The following PLEKHF1 variants were observed in gnomAD, a reference collection of about 807,000 sequenced individuals.
The protein encoded by PLEKHF1 is pleckstrin homology domain-containing family F member 1.
A neutral mutation model predicts 4.1 loss-of-function variants in PLEKHF1; 1 was observed. That is an observed-to-expected ratio of 0.24 (90% CI 0.09 to 1.15). The LOEUF (loss-of-function observed/expected upper bound fraction) is 1.15, where lower values mean the gene tolerates loss of function less well. Ranked by LOEUF, PLEKHF1 falls within the 50% of genes most tolerant of loss-of-function variation. The probability of loss-of-function intolerance (pLI) is 0.52; values close to 1 mark genes in which losing one functional copy is unlikely to be tolerated. For synonymous variants in PLEKHF1, 182 were observed against 178.5 expected, an observed-to-expected ratio of 1.02 and a Z score of -0.16; for missense variants, 429 against 400.6, an observed-to-expected ratio of 1.07 and a Z score of -0.60.
Position 29,675,003 on chromosome 19 carries a change from G to C in PLEKHF1, c.*324G>C. ...ACGACCCCAGGTCTCCAGACATCTAGGGACCAGAGCAGGTTTGGGAACACA... is the reference window on the plus strand; with the variant it reads ...ACGACCCCAGGTCTCCAGACATCTACGGACCAGAGCAGGTTTGGGAACACA... On this transcript the variant is annotated 3_prime_UTR_variant, in exon 2 of 2. Transcript: ENST00000436066. 1 of 328,204 alleles carries C rather than the reference G, an allele frequency of 3.0e-6. No individual in the cohort carries two copies. The highest frequency in any genetic ancestry group is 5.8e-6 in the Non-Finnish European group (1 of 171,844). The allele number at this position is 328,204 out of a possible 1,614,324, so 20.3% of individuals were successfully genotyped here. A position where few individuals can be genotyped will look rare whatever the true frequency, so the allele number is the denominator to read the frequency against.
At chr19:29,669,762 C>T (rs574446377) in intron 1 of PLEKHF1, among the ~76,000 whole-genome samples, 6 of 152,222 alleles carry the variant, frequency 3.9e-5, no homozygotes, top group South Asian at 4.2e-4. Context: ...ACCTTATAGA[C>T]GAAAGTGGAA....
Position 29,674,289 on chromosome 19 carries a change from C to A in PLEKHF1, c.450C>A (p.Ile150=). Residue 150 remains isoleucine, a synonymous_variant, in exon 2 of 2, where the codon ATC becomes ATA. Transcript: ENST00000436066. ...GCACGGAGCACGCGGCACCCTGGAT[C>A]CCCGACAAGGCCACGGACATCTGCA... The part of the protein sequence containing the change: ...PPSTEHAAPW[I]PDKATDICMR... The A allele has an allele frequency of 6.3e-7, 1 of 1,596,226 alleles. No homozygotes were observed. Among genetic ancestry groups the A allele is most frequent in the Non-Finnish European group, 8.5e-7 (1 of 1,176,590 alleles).
intron 1 of PLEKHF1, among the ~76,000 whole-genome samples, chr19:29,669,079 G>T (rs1331707855): frequency 6.6e-6 from 1 of 152,174 alleles, no homozygotes; most frequent in Non-Finnish European, 1.5e-5. Flanking sequence ...AGCCTAGAGG[G>T]GGTCTGTGAG....
chr19:29,673,660 A>G (rs575490882), intron 1 of PLEKHF1, among the ~76,000 whole-genome samples, 164 bp from the exon 2 acceptor site: 166 of 152,268 alleles, frequency 1.1e-3, no homozygotes, highest in Admixed American at 2.2e-3. Context: ...TCTAAGGGTC[A>G]GCTTCCGAGG....
At position 29,674,702 on chromosome 19, in the gene PLEKHF1, TC is replaced by T. The variant is rs1568312205; in HGVS notation, c.*27del. The T allele has an allele frequency of 6.4e-7, 1 of 1,573,004 alleles. No individual in the cohort carries two copies. The highest frequency in any genetic ancestry group is 1.7e-5 in the Admixed American group (1 of 57,436). On this transcript the variant is annotated 3_prime_UTR_variant, in exon 2 of 2. Transcript: ENST00000436066. The stretch of plus-strand genomic sequence containing the variant: ...TGACCCCCGGCCTGCAGAACATCTG[TC>T]CCCAAGCCAGCTCCACTGCCCAGGC...
rs1404527813 is a variant in PLEKHF1 at position 29,674,202 on chromosome 19, A to G, written c.363A>G (p.Glu121=). The G allele has an allele frequency of 1.2e-6, 2 of 1,612,896 alleles. No individual in the cohort carries two copies. Residue 121 remains glutamate, a synonymous_variant, in exon 2 of 2, where the codon GAA becomes GAG. Transcript: ENST00000436066. ...CCGCCTCCGCTACGGAGCGCCAGGA[A>G]TGGATTAGCCACATCGAGGAGTGCG... The part of the protein sequence containing the change: ...VSAASATERQ[E]WISHIEECVR...
intron 1 of PLEKHF1, among the ~76,000 whole-genome samples, chr19:29,672,032 A>G (rs1971636130): frequency 6.6e-6 from 1 of 152,108 alleles, no homozygotes; most frequent in Non-Finnish European, 1.5e-5. Flanking sequence ...GCATGGCTCC[A>G]AGAATTGTGG....
rs1971685990 is a variant in PLEKHF1, at chr19:29,674,771, C to T, written c.*92C>T. ...CAGAAGCTGCCCAGGGCTCCGGGAC[C>T]CCATCCCATGGTGGCAGGTGCAGCG... On this transcript the variant is annotated 3_prime_UTR_variant, in exon 2 of 2. Transcript: ENST00000436066. 1 of 1,471,578 alleles carries T rather than the reference C, an allele frequency of 6.8e-7. No individual in the cohort carries two copies. Among genetic ancestry groups the T allele is most frequent in the Middle Eastern group, 2.6e-4 (1 of 3,908 alleles). The allele number at this position is 1,471,578 out of a possible 1,614,324, so 91.2% of individuals were successfully genotyped here.
At chr19:29,668,841 G>A (rs1274462075) in intron 1 of PLEKHF1, among the ~76,000 whole-genome samples, 1 of 152,170 alleles carries the variant, frequency 6.6e-6, no homozygotes, top group Non-Finnish European at 1.5e-5. Context: ...GTCATGTAGA[G>A]AAGGTGAGCA....
Position 29,674,092 on chromosome 19 carries a change from G to A in PLEKHF1, c.253G>A (p.Val85Ile). The A allele has an allele frequency of 6.2e-7, 1 of 1,614,030 alleles. No individual in the cohort carries two copies. Among genetic ancestry groups the A allele is most frequent in the Non-Finnish European group, 8.5e-7 (1 of 1,180,002 alleles). The change falls in exon 2 of 2, where the codon GTC (valine) becomes ATC (isoleucine). Residue 85 changes from valine (V) to isoleucine (I), a missense_variant. Val to Ile is a conservative substitution (Grantham distance 29, BLOSUM62 3). Transcript: ENST00000436066. ...RSQHIIPLEE[V>I]TLELLPETLQ... ...CCAGCACATCATCCCCCTGGAGGAG[G>A]TCACACTGGAGCTGTTGCCGGAGAC...
chr19:29,673,702 G>T, intron 1 of PLEKHF1, 122 bp from the exon 2 acceptor site: 1 of 1,330,706 alleles, frequency 7.5e-7, no homozygotes. Flanking sequence ...AGGCCTGCGG[G>T]TTACTGTGCG....
chr19:29,669,691 A>G (rs1971608372), intron 1 of PLEKHF1, among the ~76,000 whole-genome samples: 1 of 152,208 alleles, frequency 6.6e-6, no homozygotes, highest in African/African-American at 2.4e-5. Context: ...AAATTGGCAG[A>G]TATTCGGATT....
Position 29,674,419 on chromosome 19 carries a change from C to G in PLEKHF1, c.580C>G (p.Pro194Ala), listed in dbSNP as rs1355943718. 5 of 1,529,838 alleles carry G rather than the reference C, an allele frequency of 3.3e-6. No homozygotes were observed. The South Asian group carries it at 6.0e-5, about 18-fold the overall frequency. 94.8% of individuals were successfully genotyped at this position (1,529,838 alleles called of 1,614,324 possible). A position where few individuals can be genotyped will look rare whatever the true frequency, so the allele number is the denominator to read the frequency against. The change falls in exon 2 of 2, where the codon CCG (proline) becomes GCG (alanine). Residue 194 changes from proline to alanine, a missense_variant. Pro to Ala is a conservative substitution (Grantham distance 27). Coordinates refer to ENST00000436066, the MANE Select transcript of PLEKHF1 (RefSeq NM_024310.5). ...GTGCTCGCGCCAGCGCTTCCTGCTC[C>G]CGCGCCTGTCCCCCAAGCCCGTGCG... ...AECSRQRFLL[P>A]RLSPKPVRVC... is the part of the protein sequence containing the mutation.
intron 1 of PLEKHF1, among the ~76,000 whole-genome samples, chr19:29,668,633 T>C (rs1971595752): frequency 6.6e-6 from 1 of 151,728 alleles, no homozygotes; most frequent in Non-Finnish European, 1.5e-5. Context: ...GGCGGGAGGC[T>C]TTCTTGAGCC....
At chr19:29,670,989 T>C (rs977110416) in intron 1 of PLEKHF1, among the ~76,000 whole-genome samples, 4 of 152,234 alleles carry the variant, frequency 2.6e-5, no homozygotes, top group African/African-American at 7.2e-5. Flanking sequence ...ACTTCCATGC[T>C]GTTTTCCTTA....
At chr19:29,665,635 C>T in intron 1 of PLEKHF1, 130 bp downstream of exon 1, 1 of 1,161,748 alleles carries the variant, frequency 8.6e-7, no homozygotes, top group Admixed American at 4.2e-5. Context: ...CCTGGGCCGG[C>T]GGGGCGCAGT....
chr19:29,673,581 C>G (rs566652595), intron 1 of PLEKHF1, among the ~76,000 whole-genome samples: 1 of 152,312 alleles, frequency 6.6e-6, no homozygotes, highest in East Asian at 1.9e-4. Context: ...CCTTCCCATC[C>G]CTGTCTGGCC....
intron 1 of PLEKHF1, among the ~76,000 whole-genome samples, chr19:29,672,921 C>T (rs1971646778): frequency 1.3e-5 from 2 of 151,986 alleles, no homozygotes; most frequent in South Asian, 2.1e-4. Context: ...AAGCAGGGGG[C>T]GCCCGGCATG....
intron 1 of PLEKHF1, among the ~76,000 whole-genome samples, chr19:29,673,581 C>T (rs566652595): frequency 4.6e-5 from 7 of 152,312 alleles, no homozygotes; most frequent in African/African-American, 1.7e-4. Flanking sequence ...CCTTCCCATC[C>T]CTGTCTGGCC....
Sources: allele counts gnomAD v4.1 joint callset (sites outside exome capture counted in the v4.1 genomes callset), GRCh38; gene constraint gnomAD v4.1.1; transcripts MANE v1.5; gene names NCBI Gene and HGNC (gene_info 2026-07-23, HGNC 2026-07-21).